Variants in SATB2 observed in about 807,000 individuals in gnomAD.
SATB2 encodes DNA-binding protein SATB2.
A neutral mutation model predicts 73.4 loss-of-function variants in SATB2; 1 was observed. The observed-to-expected ratio is 0.01, with a 90% CI of 0.00 to 0.06. The LOEUF (loss-of-function observed/expected upper bound fraction) is 0.06, where lower values mean the gene tolerates loss of function less well. Ranked by LOEUF, SATB2 falls within the 10% of genes least tolerant of loss-of-function variation. SATB2 has a pLI of 1.00. For missense variants in SATB2, 459 were observed against 945.8 expected (o/e 0.49, Z 6.75); for synonymous variants, 397 against 367.0 (o/e 1.08, Z -0.93).
chr2:199,430,286 CTCTTTCAAAAG>C (rs940299144), intron 3 of SATB2, among the ~76,000 whole-genome samples: 5 of 152,328 alleles, frequency 3.3e-5, no homozygotes, highest in African/African-American at 1.2e-4. Context: ...ATTAACATGC[CTCTTTCAAAAG>C]ACTTTCAATG....
intron 7 of SATB2, among the ~76,000 whole-genome samples, chr2:199,335,289 G>T (rs1367899549): frequency 6.6e-6 from 1 of 152,094 alleles, no homozygotes; most frequent in Non-Finnish European, 1.5e-5. Context: ...AGCATCTAAA[G>T]GGAATTAATG....
At chr2:199,333,286 A>T (rs1688241605) in intron 7 of SATB2, among the ~76,000 whole-genome samples, 2 of 152,270 alleles carry the variant, frequency 1.3e-5, no homozygotes, top group South Asian at 4.1e-4. Context: ...GATGGGAAGG[A>T]GAAGGTATTA....
At chr2:199,402,879 C>T (rs1690523788) in intron 3 of SATB2, among the ~76,000 whole-genome samples, 1 of 152,128 alleles carries the variant, frequency 6.6e-6, no homozygotes, top group Non-Finnish European at 1.5e-5. Context: ...CTTTATAAAT[C>T]CCTCAGTTTG....
intron 6 of SATB2, 120 bp downstream of exon 6, chr2:199,368,485 C>T (rs1050779787): frequency 7.2e-6 from 5 of 698,374 alleles, no homozygotes; most frequent in Non-Finnish European, 1.3e-5. Flanking sequence ...TATTAAAGAT[C>T]TCACCTTTGT....
chr2:199,305,379 G>A (rs189351473), intron 10 of SATB2, among the ~76,000 whole-genome samples: 249 of 152,066 alleles, frequency 1.6e-3, no homozygotes, highest in Admixed American at 3.1e-3. Flanking sequence ...GGGAGGGTCC[G>A]AAAAAATAAC....
chr2:199,447,344 G>A (rs1170975136), intron 2 of SATB2, among the ~76,000 whole-genome samples: 2 of 152,188 alleles, frequency 1.3e-5, no homozygotes, highest in South Asian at 2.1e-4. Context: ...GTGACAGTCA[G>A]GTGAGTACAC....
At chr2:199,414,880 C>T (rs1413007224) in intron 3 of SATB2, among the ~76,000 whole-genome samples, 1 of 152,068 alleles carries the variant, frequency 6.6e-6, no homozygotes, top group Admixed American at 6.5e-5. Flanking sequence ...TGATCACTGG[C>T]ACGTGGTAAG....
intron 9 of SATB2, among the ~76,000 whole-genome samples, chr2:199,309,848 G>C (rs777895063): frequency 6.6e-5 from 10 of 152,118 alleles, no homozygotes; most frequent in South Asian, 4.1e-4. Flanking sequence ...ATGTTCTTAA[G>C]AGGTGCATAA....
intron 3 of SATB2, among the ~76,000 whole-genome samples, chr2:199,424,231 C>A (rs1384035119): frequency 6.6e-6 from 1 of 152,190 alleles, no homozygotes; most frequent in Non-Finnish European, 1.5e-5. Context: ...AAGCTGCCAT[C>A]AAAAGAAACC....
At chr2:199,458,751 C>G (rs1232955941), upstream of SATB2, 1 of 419,920 alleles carries the variant, frequency 2.4e-6, no homozygotes, top group Admixed American at 2.6e-5. Context: ...GATCGCCTCC[C>G]CCACCCACCG....
chr2:199,320,231 T>G (rs907941043), intron 9 of SATB2, among the ~76,000 whole-genome samples: 1 of 152,118 alleles, frequency 6.6e-6, no homozygotes, highest in Admixed American at 6.6e-5. Flanking sequence ...CATTATGGCT[T>G]CTACTAAGAA....
rs1373741855 is a variant in SATB2 at position 199,464,528 on chromosome 2, G to A, written c.-141+308C>T. On this transcript the variant is annotated intron_variant, in intron 1 of 11. Transcript: ENST00000260926. The surrounding 1 kb of genome is among the most constrained non-coding windows in gnomAD (Gnocchi z 6.6). ...CACCTGGTGCCCACCCAATTGCAAA[G>A]CTCCCAGACCCACACAAAACACTAG... Among the ~76,000 whole-genome samples the A allele has an allele frequency of 2.0e-5, 3 of 152,036 alleles. No individual in the cohort carries two copies. Among genetic ancestry groups the A allele is most frequent in the African/African-American group, 7.2e-5 (3 of 41,384 alleles).
Position 199,272,047 on chromosome 2 carries a change from A to C in SATB2, c.*164T>G. The C allele has an allele frequency of 1.4e-6, 1 of 700,054 alleles. No homozygotes were observed. The highest frequency in any genetic ancestry group is 1.6e-5 in the South Asian group (1 of 61,680). The allele number at this position is 700,054 out of a possible 1,614,324, so 43.4% of individuals were successfully genotyped here. A position where few individuals can be genotyped will look rare whatever the true frequency, so the allele number is the denominator to read the frequency against. On this transcript the variant is annotated 3_prime_UTR_variant, in exon 11 of 11. Coordinates refer to ENST00000417098, the MANE Select transcript of SATB2 (RefSeq NM_001172509.2). The surrounding 1 kb of genome is among the most constrained non-coding windows in gnomAD (Gnocchi z 6.7). ...ATAGGTGTATCCTGTGCAACAAAGA[A>C]ATGTCCAAAAGGGTAAGAAAAACAA...
intron 6 of SATB2, among the ~76,000 whole-genome samples, chr2:199,349,885 G>T (rs1330679636): frequency 6.6e-6 from 1 of 152,036 alleles, no homozygotes; most frequent in Non-Finnish European, 1.5e-5. Context: ...AAGATTAAAA[G>T]AATAACTTTG....
intron 3 of SATB2, among the ~76,000 whole-genome samples, chr2:199,429,005 C>CAAAAAAAAAA (rs575684723): frequency 1.6e-5 from 1 of 62,664 alleles, no homozygotes. Flanking sequence ...GACTCTGTCT[C>CAAAAAAAAAA]AAAAAAAAAA....
At chr2:199,390,267 A>T (rs945573728) in intron 3 of SATB2, among the ~76,000 whole-genome samples, 2 of 152,194 alleles carry the variant, frequency 1.3e-5, no homozygotes, top group African/African-American at 4.8e-5. Flanking sequence ...TTATTTCATA[A>T]AAGTGCCATT....
chr2:199,366,584 T>C (rs1689291180), intron 6 of SATB2, among the ~76,000 whole-genome samples: 2 of 152,100 alleles, frequency 1.3e-5, no homozygotes, highest in Non-Finnish European at 2.9e-5. Context: ...TATGGCAGCT[T>C]GTGTTTACTT....
intron 2 of SATB2, among the ~76,000 whole-genome samples, chr2:199,446,865 TG>T (rs1691977139): frequency 6.6e-6 from 1 of 152,238 alleles, no homozygotes; most frequent in African/African-American, 2.4e-5. Flanking sequence ...CTGCCTATCT[TG>T]TTTCTTTCAT....
upstream of SATB2, among the ~76,000 whole-genome samples, chr2:199,467,776 G>T (rs6714667): frequency 0.11 from 17,359 of 152,034 alleles, 1,196 homozygotes; most frequent in East Asian, 0.3. Context: ...CCACCACCAC[G>T]TTGGCCTAGG....
Sources: gnomAD v4.1 joint callset for allele counts (sites outside exome capture counted in the v4.1 genomes callset) on GRCh38, gnomAD v4.1.1 for gene constraint, Gnocchi (gnomAD v3.1) non-coding constraint, MANE v1.5 for transcripts, NCBI Gene and HGNC (gene_info 2026-07-23, HGNC 2026-07-21) for gene names.